Variants in HMCN1 observed in about 807,000 individuals in gnomAD.
HMCN1 encodes hemicentin 1.
A neutral mutation model predicts 625.9 loss-of-function variants in HMCN1; 321 were observed. The ratio of observed to expected loss-of-function variants is 0.51; its 90% confidence interval spans 0.47 to 0.56. The LOEUF (loss-of-function observed/expected upper bound fraction) is 0.56. Among genes scored for constraint, HMCN1 ranks in the 20% least tolerant of loss-of-function variants. The pLI, the probability that HMCN1 is intolerant of heterozygous loss-of-function variation, is 0.00. For missense variants in HMCN1, 6,588 were observed against 6,887.3 expected (o/e 0.96, Z 1.54); for synonymous variants, 2,425 against 2,417.6 (o/e 1.00, Z -0.09).
intron 41 of HMCN1, 128 bp downstream of exon 41, chr1:186,045,991 C>A (rs913431721): frequency 1.6e-5 from 11 of 697,872 alleles, no homozygotes; most frequent in Admixed American, 2.8e-5. Context: ...TCTAGGAACC[C>A]TTTTATTGAT....
At chr1:185,918,841 C>T (rs1414301875) in intron 6 of HMCN1, among the ~76,000 whole-genome samples, 1 of 152,062 alleles carries the variant, frequency 6.6e-6, no homozygotes, top group Non-Finnish European at 1.5e-5. Flanking sequence ...AGAAAGTTTC[C>T]TGTTATTCTC....
At chr1:185,857,136 C>T (rs557344586) in intron 2 of HMCN1, among the ~76,000 whole-genome samples, 12 of 152,206 alleles carry the variant, frequency 7.9e-5, no homozygotes, top group South Asian at 2.1e-4. Flanking sequence ...TAATTATCAC[C>T]GTAACTCTGA....
intron 105 of HMCN1, among the ~76,000 whole-genome samples, chr1:186,182,736 C>T (rs778192230): frequency 2.0e-5 from 3 of 152,136 alleles, no homozygotes; most frequent in Non-Finnish European, 4.4e-5. Flanking sequence ...TTCATTCATT[C>T]GTTGAGTCTA....
chr1:186,065,880 T>C (rs1219150927), intron 49 of HMCN1, among the ~76,000 whole-genome samples: 1 of 152,212 alleles, frequency 6.6e-6, no homozygotes, highest in Non-Finnish European at 1.5e-5. Flanking sequence ...GGAAAGACAT[T>C]AAAATAGATT....
chr1:186,074,712 A>G, intron 52 of HMCN1, 29 bp from the exon 53 acceptor site: 1 of 1,607,316 alleles, frequency 6.2e-7, no homozygotes, highest in South Asian at 1.1e-5. Flanking sequence ...ATAGCACTTA[A>G]TGCTAACATT....
intron 1 of HMCN1, among the ~76,000 whole-genome samples, chr1:185,842,286 C>T (rs545800695): frequency 3.9e-5 from 6 of 152,224 alleles, no homozygotes; most frequent in South Asian, 2.1e-4. Flanking sequence ...AATTTTCTAG[C>T]GAAGTTGCTT....
chr1:186,017,122 GT>G, intron 33 of HMCN1, 51 bp downstream of exon 33: 1 of 911,908 alleles, frequency 1.1e-6, no homozygotes, highest in Non-Finnish European at 1.9e-6. Flanking sequence ...TGTTTTGAGT[GT>G]TTTAGAGCTA....
chr1:186,104,847 C>A (rs1002937934), intron 69 of HMCN1, among the ~76,000 whole-genome samples: 1 of 152,050 alleles, frequency 6.6e-6, no homozygotes, highest in Non-Finnish European at 1.5e-5. Flanking sequence ...AAACTAAAAC[C>A]ATGTATTGAA....
At chr1:185,892,594 C>A (rs912047073) in intron 4 of HMCN1, among the ~76,000 whole-genome samples, 1 of 152,124 alleles carries the variant, frequency 6.6e-6, no homozygotes, top group Non-Finnish European at 1.5e-5. Flanking sequence ...TGTGCCCCTG[C>A]TGGAGGGTGC....
chr1:185,970,208 G>GTGCCAA lies in HMCN1; in HGVS notation c.2213-126_2213-121dup, dbSNP rs1650712616. ...TTAGACTGTAGAAAGTGTCTATGTT[G>GTGCCAA]TGCCAAACACTTGTGTTTAAAAACT... On this transcript the variant is annotated intron_variant, in intron 14 of 106. Transcript: ENST00000271588. 3.6e-6 allele frequency: 3 copies of GTGCCAA among 843,924 alleles called. No individual in the cohort carries two copies. In the East Asian group the frequency reaches 7.3e-5, roughly 20 times the overall value. The allele number at this position is 843,924 out of a possible 1,614,324, so 52.3% of individuals were successfully genotyped here.
Position 186,116,893 on chromosome 1 carries a change from A to C in HMCN1, c.11562-101A>C. ...GTTAATTTTAACATGAGGGAAGAGTACTGTTTTCATCAATTTACAACATGG... is the reference window on the plus strand; with the variant it reads ...GTTAATTTTAACATGAGGGAAGAGTCCTGTTTTCATCAATTTACAACATGG... On this transcript the variant is annotated intron_variant, in intron 75 of 106. Transcript: ENST00000271588. 1.5e-6 allele frequency: 2 copies of C among 1,306,018 alleles called. 1 individual carries two copies. Among genetic ancestry groups the C allele is most frequent in the South Asian group, 2.4e-5 (2 of 84,058 alleles). 80.9% of individuals were successfully genotyped at this position (1,306,018 alleles called of 1,614,324 possible).
chr1:185,957,080 T>G (rs1649684024), intron 11 of HMCN1: 1 of 152,220 alleles, frequency 6.6e-6, no homozygotes, highest in African/African-American at 2.4e-5. Flanking sequence ...TTATCTATCA[T>G]GTTTCCATGT....
intron 8 of HMCN1, among the ~76,000 whole-genome samples, chr1:185,923,914 C>G (rs1667130242): frequency 1.3e-5 from 2 of 152,248 alleles, no homozygotes; most frequent in South Asian, 4.1e-4. Flanking sequence ...CTGGAAAATT[C>G]TGGTACTATC....
rs748211677 is a variant in HMCN1 at position 185,922,514 on chromosome 1, A to G, written c.1021+15A>G. ...ACCAGTGCAAGGTTTGTATGTGCAT[A>G]TTATTTAAATTGACATAATAGATAT... On this transcript the variant is annotated intron_variant, in intron 7 of 106. Transcript: ENST00000271588. The G allele has an allele frequency of 6.3e-7, 1 of 1,593,992 alleles. No homozygotes were observed. The highest frequency in any genetic ancestry group is 8.6e-7 in the Non-Finnish European group (1 of 1,167,342).
At chr1:185,740,682 C>A (rs1653924088) in intron 1 of HMCN1, among the ~76,000 whole-genome samples, 1 of 9,002 alleles carries the variant, frequency 1.1e-4, no homozygotes, top group Non-Finnish European at 2.2e-4. Flanking sequence ...GTTGATTGGG[C>A]AGGGGGTGGG....
intron 41 of HMCN1, among the ~76,000 whole-genome samples, chr1:186,047,889 T>G (rs991443728): frequency 3.9e-5 from 6 of 152,164 alleles, no homozygotes; most frequent in African/African-American, 1.2e-4. Context: ...CTGGCTTCTG[T>G]GTACCCCTGC....
chr1:185,918,539 T>C (rs1334067583), intron 6 of HMCN1, among the ~76,000 whole-genome samples: 3 of 152,172 alleles, frequency 2.0e-5, no homozygotes, highest in Non-Finnish European at 4.4e-5. Context: ...CCAGAAGGAA[T>C]ACTTTACCAG....
At chr1:185,993,115 T>C in intron 22 of HMCN1, 67 bp from the exon 23 acceptor site, 1 of 1,470,040 alleles carries the variant, frequency 6.8e-7, no homozygotes, top group East Asian at 2.3e-5. Flanking sequence ...CATACTGAAG[T>C]GTAGCTGCAT....
intron 15 of HMCN1, 135 bp downstream of exon 15, chr1:185,970,628 A>T (rs545554549): frequency 1.3e-6 from 1 of 772,116 alleles, no homozygotes; most frequent in Admixed American, 1.9e-5. Flanking sequence ...AGATTAATAG[A>T]ATAACAGTAG....
Sources: gnomAD v4.1 joint callset for allele counts (sites outside exome capture counted in the v4.1 genomes callset) on GRCh38, gnomAD v4.1.1 for gene constraint, MANE v1.5 for transcripts, NCBI Gene and HGNC (gene_info 2026-07-23, HGNC 2026-07-21) for gene names.